Variants in LARGE1 observed in about 807,000 individuals in gnomAD.
The protein encoded by LARGE1 is LARGE xylosyl- and glucuronyltransferase 1, also known as xylosyl- and glucuronyltransferase LARGE1.
LARGE1 carries 43 observed loss-of-function variants against 87.6 expected under a neutral mutation model. The observed-to-expected ratio is 0.49, with a 90% CI of 0.38 to 0.63. The LOEUF is 0.63. LARGE1 is among the 30% of genes least tolerant of loss of function. The probability of loss-of-function intolerance (pLI) is 0.00; values close to 1 mark genes in which losing one functional copy is unlikely to be tolerated. For synonymous variants in LARGE1, 434 were observed against 394.6 expected (o/e 1.10, Z -1.18); for missense variants, 802 against 1,000.2 (o/e 0.80, Z 2.67).
At chr22:33,867,064 G>A (rs1358714893) in intron 1 of LARGE1, among the ~76,000 whole-genome samples, 3 of 152,134 alleles carry the variant, frequency 2.0e-5, no homozygotes, top group Non-Finnish European at 4.4e-5. Context: ...TCTAATGAAT[G>A]AATGGATGGA....
chr22:33,488,172 C>T (rs914138833), intron 6 of LARGE1, among the ~76,000 whole-genome samples: 1 of 152,180 alleles, frequency 6.6e-6, no homozygotes, highest in Non-Finnish European at 1.5e-5. Context: ...CCACTAGCCA[C>T]ATGTGGCAAT....
intron 9 of LARGE1, among the ~76,000 whole-genome samples, chr22:33,358,148 C>G (rs1941072314): frequency 1.3e-5 from 2 of 152,158 alleles, no homozygotes; most frequent in Admixed American, 6.5e-5. Flanking sequence ...TTACTGGTCA[C>G]AGCAGTGCAC....
At chr22:33,522,840 A>C (rs866595119) in intron 6 of LARGE1, among the ~76,000 whole-genome samples, 42 of 151,764 alleles carry the variant, frequency 2.8e-4, no homozygotes, top group African/African-American at 1.0e-3. Context: ...AAAAAAGAAA[A>C]AAAAAAAAGA....
At chr22:33,815,561 C>T (rs1001607517) in intron 1 of LARGE1, among the ~76,000 whole-genome samples, 1 of 152,136 alleles carries the variant, frequency 6.6e-6, no homozygotes. Context: ...GCTTCTACAA[C>T]CAGAAAGGAC....
chr22:33,348,442 A>T (rs1940028733), intron 9 of LARGE1, among the ~76,000 whole-genome samples: 1 of 152,182 alleles, frequency 6.6e-6, no homozygotes, highest in East Asian at 1.9e-4. Flanking sequence ...AAAATAAAAT[A>T]ATAATACCTG....
In LARGE1 at chr22:33,649,057, T is replaced by C. The variant is rs896718279; in HGVS notation, c.408+1310A>G. On this transcript the variant is annotated intron_variant, in intron 3 of 14. Coordinates refer to ENST00000397394, the MANE Select transcript of LARGE1 (RefSeq NM_133642.5). ...ACATCCCGAATCCTGCTATAATGGA[T>C]GTTTGTTTCACATCGTTCCTACTCA... 3.9e-5 allele frequency among the ~76,000 whole-genome samples: 6 copies of C among 152,342 alleles called. No individual in the cohort carries two copies. The South Asian group carries it at 6.2e-4, about 16-fold the overall frequency.
At chr22:33,677,194 C>T (rs937788827) in intron 2 of LARGE1, among the ~76,000 whole-genome samples, 1 of 145,088 alleles carries the variant, frequency 6.9e-6, no homozygotes, top group African/African-American at 2.6e-5. Flanking sequence ...AAATGAGAAA[C>T]AATTCCTTAG....
At chr22:33,411,947 A>C (rs1214918284) in intron 7 of LARGE1, among the ~76,000 whole-genome samples, 1 of 152,248 alleles carries the variant, frequency 6.6e-6, no homozygotes, top group Non-Finnish European at 1.5e-5. Flanking sequence ...AGAAGTCAAG[A>C]CTGCAAACTG....
At chr22:33,501,057 A>T (rs2070404855) in intron 6 of LARGE1, among the ~76,000 whole-genome samples, 1 of 152,068 alleles carries the variant, frequency 6.6e-6, no homozygotes, top group African/African-American at 2.4e-5. Flanking sequence ...TGATTAGAAC[A>T]CCCTAAGGAG....
At chr22:33,580,967 T>C (rs757052327) in intron 5 of LARGE1, among the ~76,000 whole-genome samples, 2 of 152,296 alleles carry the variant, frequency 1.3e-5, no homozygotes, top group Middle Eastern at 3.4e-3. Context: ...TTGTAAGACG[T>C]CCATCTTTCA....
At chr22:33,823,401 A>G (rs542391742) in intron 1 of LARGE1, among the ~76,000 whole-genome samples, 1 of 152,356 alleles carries the variant, frequency 6.6e-6, no homozygotes, top group South Asian at 2.1e-4. Context: ...AATCTGATAC[A>G]GTGCCTGGTA....
intron 3 of LARGE1, among the ~76,000 whole-genome samples, chr22:33,626,587 G>C (rs1298982555): frequency 1.3e-5 from 2 of 152,146 alleles, no homozygotes; most frequent in African/African-American, 4.8e-5. Context: ...ATGGTGATTG[G>C]CTCAAATAGG....
the LARGE1 span, among the ~76,000 whole-genome samples, chr22:33,147,453 T>C: frequency 3.3e-5 from 5 of 152,228 alleles, no homozygotes; most frequent in Admixed American, 6.5e-5. Context: ...GGTGAGTTTA[T>C]AGAGTATAAT....
At chr22:33,404,910 T>C (rs992990998) in intron 7 of LARGE1, among the ~76,000 whole-genome samples, 4 of 152,140 alleles carry the variant, frequency 2.6e-5, no homozygotes, top group Non-Finnish European at 5.9e-5. Flanking sequence ...GTGAAAGCTA[T>C]ACCTGAGCAA....
At chr22:33,793,134 T>A (rs1456413237) in intron 1 of LARGE1, among the ~76,000 whole-genome samples, 1 of 152,210 alleles carries the variant, frequency 6.6e-6, no homozygotes, top group Non-Finnish European at 1.5e-5. Flanking sequence ...ACAGGATAAG[T>A]GTTCAATGTG....
At chr22:33,080,526 A>G in the LARGE1 span, among the ~76,000 whole-genome samples, 83 of 152,352 alleles carry the variant, frequency 5.4e-4, 1 homozygote, top group Middle Eastern at 0.014. Context: ...CCACAAGGGG[A>G]TGACACAGAC....
Position 33,512,734 on chromosome 22 carries a change from C to T in LARGE1, c.787+52114G>A, listed in dbSNP as rs541933336. 2.6e-5 allele frequency among the ~76,000 whole-genome samples: 4 copies of T among 152,230 alleles called. No individual in the cohort carries two copies. The East Asian group carries it at 5.8e-4, about 22-fold the overall frequency. On this transcript the variant is annotated intron_variant, in intron 6 of 14. Transcript: ENST00000397394. ...AGGATAATCACTTAAACCTGGAAGG[C>T]GGAAGTTGCAGTGAGCAGAGATTAC...
At chr22:33,685,638 T>C (rs1247187879) in intron 2 of LARGE1, among the ~76,000 whole-genome samples, 1 of 152,198 alleles carries the variant, frequency 6.6e-6, no homozygotes, top group Non-Finnish European at 1.5e-5. Context: ...TTATTTCCAC[T>C]CAAGTCTGTG....
intron 1 of LARGE1, among the ~76,000 whole-genome samples, chr22:33,807,756 A>G (rs186739645): frequency 1.1e-3 from 164 of 152,366 alleles, no homozygotes; most frequent in African/African-American, 3.7e-3. Flanking sequence ...GAAAACAGTA[A>G]GTAGCCTTTT....
Sources: allele counts gnomAD v4.1 joint callset (sites outside exome capture counted in the v4.1 genomes callset), GRCh38; gene constraint gnomAD v4.1.1; transcripts MANE v1.5; gene names NCBI Gene and HGNC (gene_info 2026-07-23, HGNC 2026-07-21).